The following RELN variants were observed in gnomAD, a reference collection of about 807,000 sequenced individuals.
The protein encoded by RELN is reelin.
RELN carries 108 observed loss-of-function variants against 427.6 expected under a neutral mutation model. The ratio of observed to expected loss-of-function variants is 0.25; its 90% CI spans 0.22 to 0.30. The LOEUF is 0.30. Ranked by LOEUF, RELN falls within the 10% of genes least tolerant of loss-of-function variation. The pLI is 1.00. For missense variants in RELN, 3,715 were observed against 4,302.8 expected, an observed-to-expected ratio of 0.86 and a Z score of 3.82; for synonymous variants, 1,524 against 1,513.4, an observed-to-expected ratio of 1.01 and a Z score of -0.16.
chr7:103,983,893 GTGTA>G (rs947104326), intron 1 of RELN, among the ~76,000 whole-genome samples: 7 of 139,592 alleles, frequency 5.0e-5, no homozygotes, highest in East Asian at 4.3e-4. Context: ...GTGTGTGTGT[GTGTA>G]TGTCTTTTAA....
rs1006382107 is a variant in RELN, at chr7:103,824,624, C to A, written c.473+8913G>T. Among the ~76,000 whole-genome samples the A allele has an allele frequency of 6.9e-5, 6 of 86,770 alleles. No individual in the cohort carries two copies. Among genetic ancestry groups the A allele is most frequent in the African/African-American group, 2.4e-4 (5 of 20,418 alleles). 56.9% of individuals were successfully genotyped at this position (86,770 alleles called of 152,430 possible). A position where few individuals can be genotyped will look rare whatever the true frequency, so the allele number is the denominator to read the frequency against. On this transcript the variant is annotated intron_variant, in intron 3 of 64. Coordinates refer to ENST00000428762, the MANE Select transcript of RELN (RefSeq NM_005045.4). The surrounding 1 kb of genome is among the most constrained non-coding windows in gnomAD (Gnocchi z 4.4). ...CCAGTGTTTTCACTTTCTTTCAAAA[C>A]AGAGTGTGTGTGTGTGTGTGTGTGT...
chr7:103,721,814 G>C (rs892200074), intron 8 of RELN, among the ~76,000 whole-genome samples: 1 of 152,044 alleles, frequency 6.6e-6, no homozygotes, highest in Admixed American at 6.6e-5. Flanking sequence ...TTCAGCTTAT[G>C]TTATATATTA....
chr7:103,540,094 C>T (rs1303298821), intron 44 of RELN, 103 bp downstream of exon 44: 1 of 1,320,452 alleles, frequency 7.6e-7, no homozygotes, highest in African/African-American at 1.4e-5. Flanking sequence ...ACTGTCAGTT[C>T]TGGGTTTCAT....
intron 11 of RELN, among the ~76,000 whole-genome samples, chr7:103,661,757 T>G (rs1453122155): frequency 6.6e-6 from 1 of 152,188 alleles, no homozygotes; most frequent in Non-Finnish European, 1.5e-5. Flanking sequence ...TGTAGAGGGA[T>G]GAATTTAATC....
intron 2 of RELN, among the ~76,000 whole-genome samples, chr7:103,851,079 C>A (rs1469728650): frequency 6.6e-6 from 1 of 152,132 alleles, no homozygotes; most frequent in Non-Finnish European, 1.5e-5. Context: ...TGGAACCAAC[C>A]CAAATGCCCA....
chr7:103,793,709 A>T (rs1792223863), intron 3 of RELN, among the ~76,000 whole-genome samples: 1 of 152,204 alleles, frequency 6.6e-6, no homozygotes, highest in South Asian at 2.1e-4. Flanking sequence ...AAGAGATGGG[A>T]AAGGACAGTC....
intron 6 of RELN, among the ~76,000 whole-genome samples, chr7:103,746,505 T>C (rs1256530446): frequency 6.6e-6 from 1 of 151,842 alleles, no homozygotes; most frequent in Non-Finnish European, 1.5e-5. Flanking sequence ...AGAAAATTTT[T>C]GCAACCTACT....
chr7:103,762,674 ATTG>A (rs1791332701), intron 4 of RELN, among the ~76,000 whole-genome samples: 1 of 152,276 alleles, frequency 6.6e-6, no homozygotes, highest in Middle Eastern at 3.4e-3. Flanking sequence ...TACTAAAACC[ATTG>A]TTGTTAGAAA....
chr7:103,886,428 T>C (rs952871117), intron 2 of RELN, among the ~76,000 whole-genome samples: 3 of 152,208 alleles, frequency 2.0e-5, no homozygotes, highest in Non-Finnish European at 4.4e-5. Flanking sequence ...CTAAAATCTA[T>C]CAAAGCTATT....
At chr7:103,612,363 C>T (rs1245271022) in intron 20 of RELN, among the ~76,000 whole-genome samples, 1 of 151,334 alleles carries the variant, frequency 6.6e-6, no homozygotes, top group African/African-American at 2.4e-5. Flanking sequence ...GCAACCTCCG[C>T]CCCCCTGGTT....
intron 17 of RELN, among the ~76,000 whole-genome samples, chr7:103,639,402 CTTT>C (rs200310506): frequency 3.5e-5 from 5 of 141,216 alleles, no homozygotes; most frequent in Admixed American, 7.1e-5. Flanking sequence ...CTTTTTCTCT[CTTT>C]TTTTTTTTTT....
In RELN at chr7:103,745,235, T is replaced by C. The variant is rs188757423; in HGVS notation, c.656+4191A>G. ...CCATAGCCCTTCATGCTAAAAACTC[T>C]CAATAAATCAGGTATTGATGGGATG... On this transcript the variant is annotated intron_variant, in intron 6 of 64. Transcript: ENST00000428762. Among the ~76,000 whole-genome samples the C allele has an allele frequency of 5.2e-3, 788 of 152,184 alleles. 7 individuals carry two copies. Among genetic ancestry groups the C allele is most frequent in the African/African-American group, 0.018 (753 of 41,474 alleles).
chr7:103,823,797 T>C (rs1216410614), intron 3 of RELN, among the ~76,000 whole-genome samples: 1 of 152,122 alleles, frequency 6.6e-6, no homozygotes, highest in Non-Finnish European at 1.5e-5. Context: ...ACCTTCCTTC[T>C]GGGTTTGTTT....
In RELN at chr7:103,535,396, G is replaced by A; in HGVS notation, c.7269C>T (p.Arg2423=). 1 of 1,613,958 alleles carries A rather than the reference G, an allele frequency of 6.2e-7. No individual in the cohort carries two copies. Among genetic ancestry groups the A allele is most frequent in the Non-Finnish European group, 8.5e-7 (1 of 1,179,852 alleles). ...DCLPTNVECS[R]YHLQRILVSD... ...ACACCAGGATCCGTTGCAGATGATAGCGACTGCATTCCACATTGGTAGGCA... is the reference window on the plus strand; with the variant it reads ...ACACCAGGATCCGTTGCAGATGATAACGACTGCATTCCACATTGGTAGGCA... Residue 2423 remains arginine (R), a synonymous_variant, in exon 46 of 65, where the codon CGC becomes CGT. Coordinates refer to ENST00000428762, the MANE Select transcript of RELN (RefSeq NM_005045.4).
intron 2 of RELN, among the ~76,000 whole-genome samples, chr7:103,856,263 T>C (rs1279549809): frequency 6.6e-6 from 1 of 151,686 alleles, no homozygotes; most frequent in African/African-American, 2.4e-5. Flanking sequence ...ACAGCAGCAG[T>C]GGGAGGGAAA....
Position 103,574,137 on chromosome 7 carries a change from C to T in RELN, c.4466G>A (p.Gly1489Glu), listed in dbSNP as rs886061857. The change falls in exon 30 of 65, where the codon GGG becomes GAG. Residue 1489 changes from glycine (G) to glutamate (E), a missense_variant. This residue lies in a region of RELN where 2,208 missense variants were observed against 2,361.7 expected (regional missense o/e 0.93). Transcript: ENST00000428762. ...DGKSLYFNGP[G>E]KREARTVPLD... is the part of the protein sequence containing the mutation. The stretch of plus-strand genomic sequence containing the variant: ...AGGGACCGTCCGGGCTTCCCTTTTC[C>T]CAGGGCCATTGAAGTAGAGAGATTT... 10 of 1,614,096 alleles carry T rather than the reference C, an allele frequency of 6.2e-6. No individual in the cohort carries two copies. The highest frequency in any genetic ancestry group is 8.5e-6 in the Non-Finnish European group (10 of 1,180,016).
At chr7:103,674,808 C>T (rs1000457940) in intron 11 of RELN, among the ~76,000 whole-genome samples, 2 of 152,146 alleles carry the variant, frequency 1.3e-5, no homozygotes. Flanking sequence ...TCAATAGACA[C>T]AGAAAAGGCC....
rs187521797 is a variant in RELN at position 103,631,250 on chromosome 7, A to G, written c.2466-1074T>C. Among the ~76,000 whole-genome samples the G allele has an allele frequency of 2.1e-3, 313 of 150,358 alleles. 1 individual carries two copies. Among genetic ancestry groups the G allele is most frequent in the African/African-American group, 7.3e-3 (299 of 41,036 alleles). ...ATATTTTCTAAATAAAGGAAAATCC[A>G]TATGCAAATACAGAAATAAAACTTT... On this transcript the variant is annotated intron_variant, in intron 19 of 64. Transcript: ENST00000428762.
At chr7:103,851,979 G>C (rs572449886) in intron 2 of RELN, among the ~76,000 whole-genome samples, 2 of 152,310 alleles carry the variant, frequency 1.3e-5, no homozygotes, top group African/African-American at 4.8e-5. Context: ...TATGGAAATA[G>C]TTAGACTGCT....
Sources: gnomAD v4.1 joint callset for allele counts (sites outside exome capture counted in the v4.1 genomes callset) on GRCh38, gnomAD v4.1.1 for gene constraint, gnomAD v4.1.1 regional missense constraint, Gnocchi (gnomAD v3.1) non-coding constraint, MANE v1.5 for transcripts, NCBI Gene and HGNC (gene_info 2026-07-23, HGNC 2026-07-21) for gene names.